The following LRRIQ1 variants were observed in gnomAD, a reference collection of about 807,000 sequenced individuals.
LRRIQ1 encodes the protein leucine rich repeats and IQ motif containing 1, also known as leucine-rich repeat- and IQ domain-containing protein 1.
Under a neutral mutation model 211.9 loss-of-function variants are expected in LRRIQ1, and 210 were observed. The ratio of observed to expected loss-of-function variants is 0.99; its 90% CI spans 0.89 to 1.11. LRRIQ1 has a LOEUF of 1.11. Ranked by LOEUF, LRRIQ1 falls within the 50% of genes most tolerant of loss-of-function variation. LRRIQ1 has a pLI of 0.00. For synonymous variants in LRRIQ1, 699 were observed against 650.1 expected, an observed-to-expected ratio of 1.08 and a Z score of -1.14; for missense variants, 2,136 against 1,939.5, an observed-to-expected ratio of 1.10 and a Z score of -1.90.
intron 6 of LRRIQ1, chr12:85,047,991 T>TATAC: frequency 6.7e-6 from 1 of 148,572 alleles, no homozygotes; most frequent in Non-Finnish European, 1.5e-5. Flanking sequence ...TTGGTGTTGT[T>TATAC]TTCCCCCTAG....
At chr12:85,167,285 A>G (rs1343225865) in intron 24 of LRRIQ1, among the ~76,000 whole-genome samples, 2 of 152,168 alleles carry the variant, frequency 1.3e-5, no homozygotes. Flanking sequence ...AATAGGATAG[A>G]TGTATATATA....
chr12:85,141,525 C>G (rs1411536610), intron 19 of LRRIQ1, among the ~76,000 whole-genome samples: 1 of 146,724 alleles, frequency 6.8e-6, no homozygotes, highest in African/African-American at 2.5e-5. Context: ...TAGTTTCTCT[C>G]TTTAACTAAT....
chr12:85,259,600 G>A (rs1896227145), intron 1 of LRRIQ1, among the ~76,000 whole-genome samples: 1 of 151,974 alleles, frequency 6.6e-6, no homozygotes, highest in African/African-American at 2.4e-5. Context: ...ACACATAGCA[G>A]AACAATACAA....
intron 24 of LRRIQ1, among the ~76,000 whole-genome samples, chr12:85,210,303 T>C (rs1507212): frequency 0.02 from 2,997 of 147,694 alleles, 98 homozygotes; most frequent in African/African-American, 0.076. Context: ...AGAATAAATA[T>C]GTTTGTGATC....
At chr12:85,070,875 A>G (rs930694225) in intron 10 of LRRIQ1, among the ~76,000 whole-genome samples, 4 of 151,976 alleles carry the variant, frequency 2.6e-5, no homozygotes, top group Non-Finnish European at 4.4e-5. Flanking sequence ...TACTATTTAT[A>G]ATATAGCTTA....
intron 24 of LRRIQ1, among the ~76,000 whole-genome samples, chr12:85,211,805 A>C (rs559516597): frequency 7.2e-5 from 11 of 152,274 alleles, no homozygotes; most frequent in Admixed American, 7.2e-4. Flanking sequence ...TCATTCATAA[A>C]TGATGGGCAA....
intron 26 of LRRIQ1, among the ~76,000 whole-genome samples, chr12:85,242,835 A>G (rs1895525372): frequency 1.3e-5 from 2 of 151,868 alleles, no homozygotes; most frequent in Non-Finnish European, 2.9e-5. Flanking sequence ...TTTATTTCCT[A>G]TGTAATTGAC....
At chr12:85,195,619 T>C (rs1191802911) in intron 24 of LRRIQ1, among the ~76,000 whole-genome samples, 1 of 151,632 alleles carries the variant, frequency 6.6e-6, no homozygotes, top group Non-Finnish European at 1.5e-5. Context: ...TTGACAAAAT[T>C]CAACAACCCT....
intron 24 of LRRIQ1, among the ~76,000 whole-genome samples, chr12:85,222,500 T>C (rs1193396274): frequency 6.6e-6 from 1 of 152,152 alleles, no homozygotes; most frequent in Non-Finnish European, 1.5e-5. Context: ...GTCAGTAAGA[T>C]ATGAACTTCA....
chr12:85,220,303 TA>T, intron 24 of LRRIQ1, among the ~76,000 whole-genome samples: 1 of 152,166 alleles, frequency 6.6e-6, no homozygotes, highest in East Asian at 1.9e-4. Flanking sequence ...CCATAAGTAT[TA>T]AAAATATAAA....
At position 85,262,943 on chromosome 12, in the gene LRRIQ1, GC is replaced by G; in HGVS notation, c.152del (p.Pro51GlnfsTer2). On this transcript the variant is annotated frameshift_variant, in exon 2 of 2. Coordinates refer to the LRRIQ1 transcript ENST00000602731. LOFTEE classifies it high-confidence loss of function. ...GTTCAGTTAAGGGAATACCAATATC[GC>G]CAATAATAACAAATACAAGACCTTC... The G allele has an allele frequency of 1.0e-6, 1 of 986,112 alleles. No homozygotes were observed. Among genetic ancestry groups the G allele is most frequent in the Non-Finnish European group, 1.2e-6 (1 of 828,570 alleles). The allele number at this position is 986,112 out of a possible 1,614,324, so 61.1% of individuals were successfully genotyped here. A position where few individuals can be genotyped will look rare whatever the true frequency, so the allele number is the denominator to read the frequency against.
rs2136518901 is a variant in LRRIQ1, at chr12:85,133,951, A to G, written c.4210-3899A>G. On this transcript the variant is annotated intron_variant, in intron 18 of 26. Transcript: ENST00000393217. ...GTGAAAAGCTTGTAAATTCCAACAC[A>G]GTAGTATCACTGAGGCACAGTATGC... 2.0e-5 allele frequency among the ~76,000 whole-genome samples: 3 copies of G among 152,266 alleles called. 1 individual carries two copies. In the South Asian group the frequency reaches 6.2e-4, roughly 32 times the overall value.
intron 6 of LRRIQ1, among the ~76,000 whole-genome samples, chr12:85,050,356 C>A (rs532095937): frequency 6.6e-5 from 10 of 152,226 alleles, no homozygotes; most frequent in African/African-American, 1.9e-4. Flanking sequence ...AAACAAATGA[C>A]CGTTGATAAC....
intron 11 of LRRIQ1, among the ~76,000 whole-genome samples, chr12:85,094,111 G>T (rs369172302): frequency 2.6e-5 from 4 of 152,270 alleles, no homozygotes; most frequent in South Asian, 4.1e-4. Context: ...CCAGAAAAGC[G>T]CTGGAAAGCC....
intron 13 of LRRIQ1, 72 bp from the exon 14 acceptor site, chr12:85,103,932 A>G (rs2136308638): frequency 2.9e-6 from 2 of 690,570 alleles, no homozygotes; most frequent in Non-Finnish European, 4.8e-6. Flanking sequence ...ATGTATTGTT[A>G]TATAGTTACA....
At chr12:85,057,245 C>A in intron 8 of LRRIQ1, 61 bp downstream of exon 8, 4 of 1,114,798 alleles carry the variant, frequency 3.6e-6, no homozygotes, top group Non-Finnish European at 4.9e-6. Flanking sequence ...TAAAGTATAA[C>A]TTTTCAGATC....
chr12:85,200,097 A>G (rs537726747), intron 24 of LRRIQ1, among the ~76,000 whole-genome samples: 1 of 152,272 alleles, frequency 6.6e-6, no homozygotes, highest in Admixed American at 6.5e-5. Context: ...CTTCCTATGC[A>G]TGAGCATGGA....
Position 85,124,449 on chromosome 12 carries a change from C to A in LRRIQ1, c.3937C>A (p.Pro1313Thr). The change falls in exon 17 of 27, where the codon CCA (proline) becomes ACA (threonine). Residue 1313 changes from proline (P) to threonine (T), a missense_variant. Physicochemically the swap from Pro to Thr is conservative, Grantham distance 38. Transcript: ENST00000393217. The stretch of plus-strand genomic sequence containing the variant: ...AAGCAGTATTCCCACCATAAGAATC[C>A]CATTTAAGGAAGTAGTAATGACAAA... ...KASSIPTIRI[P>T]FKEVVMTNSL... 1 of 1,613,770 alleles carries A rather than the reference C, an allele frequency of 6.2e-7. No homozygotes were observed. The highest frequency in any genetic ancestry group is 1.1e-5 in the South Asian group (1 of 91,066).
chr12:85,060,807 A>G (rs1343836031), intron 8 of LRRIQ1, among the ~76,000 whole-genome samples: 1 of 151,928 alleles, frequency 6.6e-6, no homozygotes, highest in Non-Finnish European at 1.5e-5. Context: ...TTTACCATAG[A>G]TGACTGACAC....
Sources: gnomAD v4.1 joint callset for allele counts (sites outside exome capture counted in the v4.1 genomes callset) on GRCh38, gnomAD v4.1.1 for gene constraint, MANE v1.5 for transcripts, NCBI Gene and HGNC (gene_info 2026-07-23, HGNC 2026-07-21) for gene names.